The following SPTBN5 variants were observed in gnomAD, a reference collection of about 807,000 sequenced individuals.
SPTBN5 encodes spectrin beta chain, non-erythrocytic 5.
In SPTBN5, 513 loss-of-function variants were observed where a neutral mutation model predicts 477.6. The observed-to-expected ratio is 1.07, with a 90% CI of 1.00 to 1.16. The LOEUF is 1.16. Ranked by LOEUF, SPTBN5 falls within the 50% of genes most tolerant of loss-of-function variation. The pLI, the probability that SPTBN5 is intolerant of heterozygous loss-of-function variation, is 0.00. For synonymous variants in SPTBN5, 2,169 were observed against 2,011.7 expected (o/e 1.08, Z -2.09); for missense variants, 5,062 against 4,731.8 (o/e 1.07, Z -2.05).
chr15:41,853,222 C>A, intron 59 of SPTBN5, 36 bp downstream of exon 59: 1 of 1,555,294 alleles, frequency 6.4e-7, no homozygotes. Context: ...GGCTGTATCC[C>A]CAGCCCAACC....
At position 41,881,962 on chromosome 15, in the gene SPTBN5, C is replaced by G; in HGVS notation, c.2431G>C (p.Ala811Pro). The G allele has an allele frequency of 6.5e-7, 1 of 1,528,708 alleles. No individual in the cohort carries two copies. Among genetic ancestry groups the G allele is most frequent in the Non-Finnish European group, 8.7e-7 (1 of 1,147,002 alleles). 94.7% of individuals were successfully genotyped at this position (1,528,708 alleles called of 1,614,324 possible). Reference protein sequence around the residue: ...LRRLEEQGRAASARASLFTVN... With the variant: ...LRRLEEQGRAPSARASLFTVN... Reference sequence around the variant, plus strand: ...GTGAATAACGACGCCCGGGCCGAGGCCGCCCGCCCCTGCTCCTCCAGCCGC... The same window carrying G: ...GTGAATAACGACGCCCGGGCCGAGGGCGCCCGCCCCTGCTCCTCCAGCCGC... The change falls in exon 12 of 68, where the codon GCC (alanine) becomes CCC (proline). Residue 811 changes from alanine (A) to proline (P), a missense_variant. Transcript: ENST00000320955.
At position 41,853,569 on chromosome 15, in the gene SPTBN5, G is replaced by A. The variant is rs1323923728; in HGVS notation, c.9980+13C>T. ...GGGTAGAGCTGAGCCGGCAGCTGAG[G>A]TAGGACACCTACAGCAGTTCCTGGC... is the stretch of plus-strand genomic sequence containing the variant. On this transcript the variant is annotated intron_variant, in intron 58 of 67. Transcript: ENST00000320955. The A allele has an allele frequency of 5.1e-6, 8 of 1,561,434 alleles. No homozygotes were observed. The South Asian group carries it at 9.2e-5, about 18-fold the overall frequency.
In SPTBN5 at chr15:41,882,504, C is replaced by T. The variant is rs757821273; in HGVS notation, c.2047-35G>A. The stretch of plus-strand genomic sequence containing the variant: ...GGCAGAGCAGGGGGCTCAGTGAAGG[C>T]AGAACAGGGGAGGGGGCCGGGGGCC... On this transcript the variant is annotated intron_variant, in intron 10 of 67. Transcript: ENST00000320955. The T allele has an allele frequency of 4.5e-6, 7 of 1,564,866 alleles. No individual in the cohort carries two copies. In the African/African-American group the frequency reaches 6.8e-5, roughly 15 times the overall value.
intron 41 of SPTBN5, 151 bp downstream of exon 41, chr15:41,863,553 C>G (rs2066190633): frequency 1.6e-6 from 1 of 626,742 alleles, no homozygotes; most frequent in African/African-American, 1.8e-5. Flanking sequence ...ATCAGATGTC[C>G]CTGGTGCAGA....
intron 66 of SPTBN5, chr15:41,850,236 A>G (rs1245342112): frequency 2.7e-5 from 12 of 451,702 alleles, no homozygotes; most frequent in Non-Finnish European, 4.9e-5. Context: ...GAACAACTCA[A>G]GATCCCTTTG....
intron 49 of SPTBN5, among the ~76,000 whole-genome samples, chr15:41,858,240 G>C (rs1567189519): frequency 6.6e-6 from 1 of 152,238 alleles, no homozygotes; most frequent in Non-Finnish European, 1.5e-5. Context: ...GGAGGTTGCA[G>C]TGAGCTGAGA....
At chr15:41,892,046 G>A (rs1035416999) in intron 3 of SPTBN5, among the ~76,000 whole-genome samples, 27 of 152,262 alleles carry the variant, frequency 1.8e-4, no homozygotes, top group African/African-American at 5.5e-4. Context: ...AGCTGGCAGC[G>A]TTCTGCTCTT....
chr15:41,876,156 G>C lies in SPTBN5; in HGVS notation c.4080C>G (p.Ser1360Arg). The C allele has an allele frequency of 6.2e-7, 1 of 1,604,574 alleles. No homozygotes were observed. Among genetic ancestry groups the C allele is most frequent in the Non-Finnish European group, 8.5e-7 (1 of 1,179,510 alleles). Residue 1360 changes from serine to arginine, a missense_variant, in exon 21 of 68, where the codon AGC becomes AGG. Coordinates refer to ENST00000320955, the MANE Select transcript of SPTBN5 (RefSeq NM_016642.4). Reference sequence around the variant, plus strand: ...CGTGTCTGCGGGTGGCGAGTAGCTCGCTCTCAGCTGCTTCGTGCCGCTTGA... The same window carrying C: ...CGTGTCTGCGGGTGGCGAGTAGCTCCCTCTCAGCTGCTTCGTGCCGCTTGA... ...QTLKRHEAAE[S>R]ELLATRRHVE...
At chr15:41,893,127 T>A in intron 2 of SPTBN5, 66 bp from the exon 3 acceptor site, 1 of 1,582,486 alleles carries the variant, frequency 6.3e-7, no homozygotes, top group Non-Finnish European at 8.6e-7. Context: ...TCCTGGGACC[T>A]GAGAGGTACG....
rs1205836932 is a variant in SPTBN5, at chr15:41,881,018, G to A, written c.2658+16C>T. On this transcript the variant is annotated intron_variant, in intron 13 of 67. Coordinates refer to ENST00000320955, the MANE Select transcript of SPTBN5 (RefSeq NM_016642.4). ...CAGAGTAAGGACTCGAGCATTTCTT[G>A]AAAAAGAAGTGTTACCTGTGCCAGG... 6.4e-7 allele frequency: 1 copy of A among 1,553,690 alleles called. No individual in the cohort carries two copies.
rs1382209289 is a variant in SPTBN5 at position 41,875,020 on chromosome 15, G to A, written c.4324C>T (p.Leu1442=). Reference sequence around the variant, plus strand: ...TCCTGCCCTGTTTCCGAGCTCTGTAGGGCCCCTTCGAGCTGCTCCAGCTGC... The same window carrying A: ...TCCTGCCCTGTTTCCGAGCTCTGTAAGGCCCCTTCGAGCTGCTCCAGCTGC... ...KEQLEQLEGA[L]QSSETGQDLR... The change falls in exon 23 of 68, where the codon CTA becomes TTA. Residue 1442 remains leucine, a synonymous_variant. Transcript: ENST00000320955. The A allele has an allele frequency of 5.0e-6, 8 of 1,613,334 alleles. No individual in the cohort carries two copies. The highest frequency in any genetic ancestry group is 6.8e-6 in the Non-Finnish European group (8 of 1,179,770).
chr15:41,855,729 G>C lies in SPTBN5; in HGVS notation c.9038C>G (p.Ser3013Cys). The C allele has an allele frequency of 1.3e-6, 2 of 1,584,684 alleles. No homozygotes were observed. The highest frequency in any genetic ancestry group is 2.3e-5 in the South Asian group (2 of 88,756). ...GACATGGCCCCGCTCAGCCAGCCAG[G>C]ATCCCGCCTCCAGGAGCTGGGGGTG... ...QFLTELLEAG[S>C]WLAERGHVLD... Residue 3013 changes from serine to cysteine, a missense_variant, in exon 54 of 68, where the codon TCC (serine) becomes TGC (cysteine). Ser to Cys is a moderately radical substitution (Grantham distance 112). Coordinates refer to ENST00000320955, the MANE Select transcript of SPTBN5 (RefSeq NM_016642.4).
Position 41,874,320 on chromosome 15 carries a change from C to G in SPTBN5, c.4661G>C (p.Gly1554Ala). The G allele has an allele frequency of 6.2e-7, 1 of 1,613,412 alleles. No individual in the cohort carries two copies. The change falls in exon 24 of 68, where the codon GGT becomes GCT. Residue 1554 changes from glycine to alanine, a missense_variant. Gly to Ala is a moderately conservative substitution (Grantham distance 60, BLOSUM62 0). Coordinates refer to ENST00000320955, the MANE Select transcript of SPTBN5 (RefSeq NM_016642.4). ...GTGCTTGCGGTGAAGGCTCTGGGCACCATTCAAGCACTCGGTATAGCTGGT... is the reference window on the plus strand; with the variant it reads ...GTGCTTGCGGTGAAGGCTCTGGGCAGCATTCAAGCACTCGGTATAGCTGGT... ...SPTSYTECLNGAQSLHRKHKE... is the reference protein window; with the variant it reads ...SPTSYTECLNAAQSLHRKHKE...
chr15:41,892,768 C>T, intron 3 of SPTBN5, 126 bp downstream of exon 3: 1 of 1,126,596 alleles, frequency 8.9e-7, no homozygotes, highest in Non-Finnish European at 1.2e-6. Context: ...AGCCACTCCT[C>T]CTGTACTCAG....
At chr15:41,862,045 G>A (rs1464126687) in intron 44 of SPTBN5, 85 bp downstream of exon 44, 13 of 1,506,116 alleles carry the variant, frequency 8.6e-6, no homozygotes, top group East Asian at 2.5e-5. Flanking sequence ...ACACTCAGGA[G>A]GCCCAAGAGC....
rs1164474335 is a variant in SPTBN5, at chr15:41,862,198, C to T, written c.7480G>A (p.Asp2494Asn). Residue 2494 changes from aspartate (D) to asparagine (N), a missense_variant, in exon 44 of 68, where the codon GAC (aspartate) becomes AAC (asparagine). Asp to Asn is a conservative substitution (Grantham distance 23). Coordinates refer to ENST00000320955, the MANE Select transcript of SPTBN5 (RefSeq NM_016642.4). ...VSAQRLRAQMDTSPAPRSPVE... is the reference protein window; with the variant it reads ...VSAQRLRAQMNTSPAPRSPVE... ...GGGCTGCGAGGAGCGGGGCTCGTGT[C>T]CATCTGAGCCCGCAGCCTCTGGGCG... is the stretch of plus-strand genomic sequence containing the variant. 2 of 1,610,862 alleles carry T rather than the reference C, an allele frequency of 1.2e-6. No individual in the cohort carries two copies. Among genetic ancestry groups the T allele is most frequent in the Non-Finnish European group, 8.5e-7 (1 of 1,178,714 alleles).
At chr15:41,889,543 C>T (rs186472208) in intron 4 of SPTBN5, among the ~76,000 whole-genome samples, 3 of 151,930 alleles carry the variant, frequency 2.0e-5, no homozygotes, top group Non-Finnish European at 2.9e-5. Flanking sequence ...TGAGCCCTCC[C>T]GAGAGCTGGG....
At chr15:41,867,755 T>C in intron 34 of SPTBN5, 113 bp from the exon 35 acceptor site, 1 of 1,021,568 alleles carries the variant, frequency 9.8e-7, no homozygotes, top group Non-Finnish European at 1.5e-6. Flanking sequence ...GAGTGCCCAC[T>C]GAGCTTGGCA....
chr15:41,858,356 T>A (rs979417579), intron 49 of SPTBN5, among the ~76,000 whole-genome samples: 1 of 151,796 alleles, frequency 6.6e-6, no homozygotes, highest in African/African-American at 2.4e-5. Flanking sequence ...CCTGTTCACA[T>A]CAAAATGTTA....
Sources: gnomAD v4.1 joint callset for allele counts (sites outside exome capture counted in the v4.1 genomes callset) on GRCh38, gnomAD v4.1.1 for gene constraint, MANE v1.5 for transcripts, NCBI Gene and HGNC (gene_info 2026-07-23, HGNC 2026-07-21) for gene names.